The following TENM2 variants were observed in gnomAD, a reference collection of about 807,000 sequenced individuals.
TENM2 encodes the protein teneurin-2.
Under a neutral mutation model 245.2 loss-of-function variants are expected in TENM2, and 52 were observed. The ratio of observed to expected loss-of-function variants is 0.21; its 90% CI spans 0.17 to 0.27. TENM2 has a LOEUF of 0.27. Among genes scored for constraint, TENM2 ranks in the 10% least tolerant of loss-of-function variants. The probability of loss-of-function intolerance (pLI) is 1.00; values close to 1 mark genes in which losing one functional copy is unlikely to be tolerated. For missense variants in TENM2, 3,046 were observed against 3,666.8 expected, an observed-to-expected ratio of 0.83 and a Z score of 4.37; for synonymous variants, 1,363 against 1,438.9, an observed-to-expected ratio of 0.95 and a Z score of 1.19.
chr5:167,030,380 C>T, the TENM2 span, among the ~76,000 whole-genome samples: 1 of 152,190 alleles, frequency 6.6e-6, no homozygotes, highest in Non-Finnish European at 1.5e-5. Context: ...GTAGCCACAA[C>T]AGCCCTGGGC....
intron 2 of TENM2, among the ~76,000 whole-genome samples, chr5:167,533,530 G>A (rs531339562): frequency 3.3e-5 from 5 of 152,096 alleles, no homozygotes; most frequent in Admixed American, 1.3e-4. Context: ...ATGGCTCACC[G>A]TAGCCTTGAC....
chr5:167,471,962 G>A (rs975126407), intron 2 of TENM2, among the ~76,000 whole-genome samples: 11 of 152,162 alleles, frequency 7.2e-5, no homozygotes, highest in African/African-American at 2.7e-4. Flanking sequence ...TCCTTGGTAT[G>A]CAACGCCATT....
intron 2 of TENM2, among the ~76,000 whole-genome samples, chr5:167,600,455 C>T (rs1161932401): frequency 2.0e-5 from 3 of 151,926 alleles, no homozygotes; most frequent in African/African-American, 7.2e-5. Flanking sequence ...TTTAACATCC[C>T]CCATTGCCTT....
the TENM2 span, among the ~76,000 whole-genome samples, chr5:166,999,819 A>T: frequency 2.0e-5 from 3 of 150,476 alleles, no homozygotes; most frequent in Admixed American, 2.0e-4. Context: ...CAAGGGAGTG[A>T]TGTGGAACAA....
chr5:167,653,066 G>A (rs557438386), intron 2 of TENM2, among the ~76,000 whole-genome samples: 1 of 152,030 alleles, frequency 6.6e-6, no homozygotes, highest in African/African-American at 2.4e-5. Flanking sequence ...AATGATTGAG[G>A]ACCAACAGTA....
At chr5:168,189,130 C>G (rs1158201062) in intron 13 of TENM2, among the ~76,000 whole-genome samples, 1 of 152,190 alleles carries the variant, frequency 6.6e-6, no homozygotes, top group Admixed American at 6.5e-5. Flanking sequence ...TATAAGGACA[C>G]TCATCCATTT....
the TENM2 span, among the ~76,000 whole-genome samples, chr5:166,981,021 G>A: frequency 2.0e-5 from 3 of 152,154 alleles, no homozygotes; most frequent in African/African-American, 4.8e-5. Flanking sequence ...ACATGAAAAA[G>A]TGAAGGCTCT....
At chr5:168,202,045 G>A (rs1307605055) in intron 17 of TENM2, among the ~76,000 whole-genome samples, 1 of 152,160 alleles carries the variant, frequency 6.6e-6, no homozygotes, top group Non-Finnish European at 1.5e-5. Flanking sequence ...TCCATCAAGA[G>A]GCACCTAAAG....
chr5:166,986,012 C>T, the TENM2 span, among the ~76,000 whole-genome samples: 1 of 152,148 alleles, frequency 6.6e-6, no homozygotes, highest in African/African-American at 2.4e-5. Context: ...GGAAAAGTAG[C>T]TCAAATGATC....
chr5:167,695,747 A>G (rs1327187403), intron 2 of TENM2, among the ~76,000 whole-genome samples: 2 of 151,574 alleles, frequency 1.3e-5, no homozygotes, highest in African/African-American at 4.8e-5. Flanking sequence ...AAAACAAAAC[A>G]GAATTGGCTG....
intron 2 of TENM2, among the ~76,000 whole-genome samples, chr5:167,508,185 A>G (rs962645557): frequency 1.3e-5 from 2 of 152,162 alleles, no homozygotes; most frequent in East Asian, 3.9e-4. Context: ...CACATATTTC[A>G]CTTTAAGCAT....
At chr5:167,660,700 C>CA (rs1561647771) in intron 2 of TENM2, among the ~76,000 whole-genome samples, 1 of 151,994 alleles carries the variant, frequency 6.6e-6, no homozygotes, top group Non-Finnish European at 1.5e-5. Context: ...TAACACCTTG[C>CA]ATTGGCACTT....
intron 2 of TENM2, among the ~76,000 whole-genome samples, chr5:167,413,468 G>A (rs1333201186): frequency 6.6e-6 from 1 of 152,106 alleles, no homozygotes; most frequent in African/African-American, 2.4e-5. Context: ...GTGACACCTT[G>A]CTATTGCATT....
chr5:167,261,867 A>G, the TENM2 span, among the ~76,000 whole-genome samples: 3 of 152,074 alleles, frequency 2.0e-5, no homozygotes, highest in Non-Finnish European at 4.4e-5. Context: ...AGCAGAAGCC[A>G]TGTACCCTGG....
chr5:167,992,163 A>G (rs1023406187), intron 4 of TENM2, among the ~76,000 whole-genome samples: 3 of 152,164 alleles, frequency 2.0e-5, no homozygotes, highest in African/African-American at 7.2e-5. Context: ...CATATTAGGT[A>G]TAGTGGACAC....
At chr5:167,220,467 A>C in the TENM2 span, among the ~76,000 whole-genome samples, 1 of 152,208 alleles carries the variant, frequency 6.6e-6, no homozygotes, top group Non-Finnish European at 1.5e-5. Context: ...ACAAGGACAT[A>C]GCTCATTTTA....
intron 7 of TENM2, among the ~76,000 whole-genome samples, chr5:168,077,403 C>A (rs3097824): frequency 0.42 from 63,067 of 151,744 alleles, 14,643 homozygotes; most frequent in African/African-American, 0.62. Flanking sequence ...ATGCTGAGTT[C>A]AGTGAAACAG....
At chr5:167,989,262 T>TAAAGAGAGAGAG (rs1783476535) in intron 4 of TENM2, among the ~76,000 whole-genome samples, 5 of 126,362 alleles carry the variant, frequency 4.0e-5, no homozygotes, top group African/African-American at 1.7e-4. Flanking sequence ...AGATAGAAGA[T>TAAAGAGAGAGAG]AGAGAAAGAG....
the TENM2 span, among the ~76,000 whole-genome samples, chr5:167,049,529 T>C: frequency 6.6e-6 from 1 of 152,244 alleles, no homozygotes; most frequent in African/African-American, 2.4e-5. Flanking sequence ...CATCAAACTA[T>C]ATTTATTTTA....
Sources: allele counts gnomAD v4.1 joint callset (sites outside exome capture counted in the v4.1 genomes callset), GRCh38; gene constraint gnomAD v4.1.1; transcripts MANE v1.5; gene names NCBI Gene and HGNC (gene_info 2026-07-23, HGNC 2026-07-21).